The following CPAP variants were observed in gnomAD, a reference collection of about 807,000 sequenced individuals.
The protein encoded by CPAP is centrosomal P4.1-associated protein.
the CPAP span, among the ~76,000 whole-genome samples, chr13:24,921,869 C>T: frequency 1.3e-5 from 2 of 151,818 alleles, no homozygotes; most frequent in South Asian, 2.1e-4. Flanking sequence ...ATTTCATGAC[C>T]GCGATTCTAA....
chr13:24,929,380 G>A, the CPAP span, among the ~76,000 whole-genome samples: 1 of 152,176 alleles, frequency 6.6e-6, no homozygotes, highest in Non-Finnish European at 1.5e-5. Context: ...ATTTCTACAG[G>A]ATAGTTTTGA....
the CPAP span, chr13:24,922,863 C>G: frequency 6.5e-6 from 1 of 152,762 alleles, no homozygotes; most frequent in Non-Finnish European, 1.5e-5. Context: ...CGGAGCCCCG[C>G]CCCCGTCCCG....
chr13:24,884,315 A>G, the CPAP span: 1 of 1,614,140 alleles, frequency 6.2e-7, no homozygotes, highest in Non-Finnish European at 8.5e-7. Context: ...ACACCTCTGG[A>G]AACATACCAC....
At chr13:24,905,354 T>C in the CPAP span, 1 of 1,614,058 alleles carries the variant, frequency 6.2e-7, no homozygotes, top group Non-Finnish European at 8.5e-7. Context: ...ACCAGGTGGT[T>C]GGTCTTGACT....
chr13:24,933,722 C>T, the CPAP span, among the ~76,000 whole-genome samples: 1 of 151,770 alleles, frequency 6.6e-6, no homozygotes, highest in African/African-American at 2.4e-5. Flanking sequence ...TAAGTCTAAC[C>T]TCTTCTTCTT....
the CPAP span, among the ~76,000 whole-genome samples, chr13:24,921,387 T>G: frequency 6.6e-6 from 1 of 152,282 alleles, no homozygotes; most frequent in African/African-American, 2.4e-5. Context: ...GAAGACCACC[T>G]GGTCTGTACG....
the CPAP span, chr13:24,885,321 C>G: frequency 6.2e-7 from 1 of 1,613,644 alleles, no homozygotes; most frequent in Non-Finnish European, 8.5e-7. Flanking sequence ...CTTGGTCTTC[C>G]TCCTCCTCTT....
chr13:24,907,182 G>A, the CPAP span: 1 of 1,609,540 alleles, frequency 6.2e-7, no homozygotes, highest in African/African-American at 1.3e-5. Flanking sequence ...TCCAATAGCA[G>A]CTTTAATGGG....
chr13:24,889,808 C>A, the CPAP span, among the ~76,000 whole-genome samples: 2 of 151,986 alleles, frequency 1.3e-5, no homozygotes, highest in Admixed American at 1.3e-4. Flanking sequence ...CTGAGCACTC[C>A]CCATGAGGAT....
chr13:24,911,803 T>C, the CPAP span: 10 of 991,116 alleles, frequency 1.0e-5, no homozygotes, highest in African/African-American at 3.2e-5. Flanking sequence ...GTATTACAAC[T>C]CTACCATTTC....
chr13:24,885,793 G>T, the CPAP span: 1 of 729,468 alleles, frequency 1.4e-6, no homozygotes, highest in Non-Finnish European at 2.4e-6. Flanking sequence ...AGTTAAGGAT[G>T]TCTTAATATT....
At chr13:24,894,195 G>A in the CPAP span, among the ~76,000 whole-genome samples, 3 of 152,208 alleles carry the variant, frequency 2.0e-5, no homozygotes, top group Non-Finnish European at 4.4e-5. Context: ...CTTGGAGGAA[G>A]GAAAGCAGAG....
chr13:24,898,466 T>C, the CPAP span, among the ~76,000 whole-genome samples: 3 of 152,010 alleles, frequency 2.0e-5, no homozygotes, highest in Non-Finnish European at 4.4e-5. Context: ...GAGCAAGGGT[T>C]GGGGAGGAAT....
chr13:24,920,783 GC>G, the CPAP span, among the ~76,000 whole-genome samples: 1 of 98,350 alleles, frequency 1.0e-5, no homozygotes, highest in Non-Finnish European at 2.4e-5. Context: ...ACCATACCTG[GC>G]TTTTTTTTTT....
the CPAP span, chr13:24,904,120 C>T: frequency 6.3e-7 from 1 of 1,583,280 alleles, no homozygotes. Flanking sequence ...AAAACACTAG[C>T]TAGCTAGTAA....
chr13:24,912,392 CAACTT>C, the CPAP span, among the ~76,000 whole-genome samples: 1 of 152,176 alleles, frequency 6.6e-6, no homozygotes, highest in African/African-American at 2.4e-5. Context: ...AATGAGGTAA[CAACTT>C]AAAGTTATTA....
At chr13:24,886,290 A>G in the CPAP span, 1,269,850 of 1,288,638 alleles carry the variant, frequency 0.99, 625,769 homozygotes, top group Middle Eastern at 0.99. Context: ...AAAGTGTAAC[A>G]GAGCTGGATG....
At chr13:24,931,925 C>T in the CPAP span, among the ~76,000 whole-genome samples, 103 of 152,294 alleles carry the variant, frequency 6.8e-4, 1 homozygote, top group Non-Finnish European at 1.1e-3. Context: ...CCTCCTGAAA[C>T]ATGAAACTGA....
chr13:24,905,893 T>G, the CPAP span: 1 of 1,614,028 alleles, frequency 6.2e-7, no homozygotes, highest in South Asian at 1.1e-5. Flanking sequence ...CAGTCGATGG[T>G]TTTATGGTAA....
Sources: allele counts gnomAD v4.1 joint callset (sites outside exome capture counted in the v4.1 genomes callset), GRCh38; gene constraint gnomAD v4.1.1; transcripts MANE v1.5; gene names NCBI Gene and HGNC (gene_info 2026-07-23, HGNC 2026-07-21).